Variants in TMEM232 observed in about 807,000 individuals in gnomAD.
TMEM232 encodes the protein transmembrane protein 232.
TMEM232 carries 80 observed loss-of-function variants against 78.8 expected under a neutral mutation model. The observed-to-expected ratio is 1.01, with a 90% confidence interval of 0.85 to 1.22. The LOEUF (loss-of-function observed/expected upper bound fraction) is 1.22. Among genes scored for constraint, TMEM232 ranks in the 50% most tolerant of loss-of-function variants. The pLI, the probability that TMEM232 is intolerant of heterozygous loss-of-function variation, is 0.00. For missense variants in TMEM232, 881 were observed against 742.2 expected, an observed-to-expected ratio of 1.19 and a Z score of -2.17; for synonymous variants, 297 against 254.3, an observed-to-expected ratio of 1.17 and a Z score of -1.60.
chr5:110,592,743 T>C (rs773583755), intron 10 of TMEM232, among the ~76,000 whole-genome samples: 24 of 152,172 alleles, frequency 1.6e-4, no homozygotes, highest in Non-Finnish European at 3.2e-4. Flanking sequence ...GGGCAATTTC[T>C]TCAATAATCT....
At chr5:110,694,725 TA>T (rs1211583924) in intron 1 of TMEM232, among the ~76,000 whole-genome samples, 3 of 151,646 alleles carry the variant, frequency 2.0e-5, no homozygotes, top group Non-Finnish European at 4.4e-5. Context: ...TACATAATGG[TA>T]AAGGGGTCAA....
At chr5:110,415,898 C>T (rs182249726), downstream of TMEM232, among the ~76,000 whole-genome samples, 261 of 152,106 alleles carry the variant, frequency 1.7e-3, no homozygotes, top group Middle Eastern at 0.017. Flanking sequence ...GAGTCAGCTT[C>T]GGAAATGTTA....
intron 11 of TMEM232, among the ~76,000 whole-genome samples, chr5:110,533,887 G>C (rs541568005): frequency 3.3e-5 from 5 of 152,208 alleles, no homozygotes; most frequent in Admixed American, 3.3e-4. Flanking sequence ...CAAGCCACTA[G>C]CCCGCCTCTT....
At chr5:110,437,458 A>C (rs1359554903) in intron 12 of TMEM232, among the ~76,000 whole-genome samples, 1 of 152,078 alleles carries the variant, frequency 6.6e-6, no homozygotes, top group Non-Finnish European at 1.5e-5. Context: ...ACATTTCAAG[A>C]TAGTTGTTCC....
intron 10 of TMEM232, among the ~76,000 whole-genome samples, chr5:110,578,578 C>T (rs1320434921): frequency 3.3e-5 from 5 of 151,886 alleles, no homozygotes; most frequent in Admixed American, 6.6e-5. Flanking sequence ...TTCTTGAAAT[C>T]GTATTGGTGT....
At chr5:110,589,646 G>T (rs375652596) in intron 10 of TMEM232, among the ~76,000 whole-genome samples, 3 of 151,882 alleles carry the variant, frequency 2.0e-5, no homozygotes, top group African/African-American at 4.8e-5. Flanking sequence ...CAGTTTTCTC[G>T]CTCGAAAATG....
At chr5:110,730,681 G>A (rs529539130), upstream of TMEM232, among the ~76,000 whole-genome samples, 2 of 152,238 alleles carry the variant, frequency 1.3e-5, no homozygotes, top group African/African-American at 4.8e-5. Context: ...TAGATCTTGT[G>A]AGACTTATTC....
chr5:110,567,934 T>G (rs1268274830), intron 11 of TMEM232, among the ~76,000 whole-genome samples: 1 of 151,988 alleles, frequency 6.6e-6, no homozygotes, highest in Non-Finnish European at 1.5e-5. Context: ...ACAGCCTGCC[T>G]CTTTTGGCAG....
At position 110,699,544 on chromosome 5, in the gene TMEM232, G is replaced by A. The variant is rs530841186; in HGVS notation, c.-13+27083C>T. ...TGCAAAGAGCTGGCTCAAGAATTAAGCAGAAAGAATGGGATAGAATTTCAA... is the reference window on the plus strand; with the variant it reads ...TGCAAAGAGCTGGCTCAAGAATTAAACAGAAAGAATGGGATAGAATTTCAA... On this transcript the variant is annotated intron_variant, in intron 1 of 13. Coordinates refer to ENST00000455884, the MANE Select transcript of TMEM232 (RefSeq NM_001039763.4). Among the ~76,000 whole-genome samples, 37 of 152,122 alleles carry A rather than the reference G, an allele frequency of 2.4e-4. No individual in the cohort carries two copies. The South Asian group carries it at 7.5e-3, about 31-fold the overall frequency.
chr5:110,682,823 C>T (rs1163114543), intron 1 of TMEM232, among the ~76,000 whole-genome samples: 2 of 152,020 alleles, frequency 1.3e-5, no homozygotes, highest in African/African-American at 2.4e-5. Context: ...GGTATCTGAC[C>T]CTGCCAACCA....
At chr5:110,638,989 C>T (rs1254889589) in intron 4 of TMEM232, among the ~76,000 whole-genome samples, 3 of 152,168 alleles carry the variant, frequency 2.0e-5, no homozygotes, top group Non-Finnish European at 4.4e-5. Context: ...CTAGAGAAAA[C>T]AGCTTCTCAA....
At chr5:110,667,711 G>T (rs1484411249) in intron 1 of TMEM232, 2 of 157,996 alleles carry the variant, frequency 1.3e-5, no homozygotes, top group Non-Finnish European at 2.8e-5. Flanking sequence ...AATGAGAATG[G>T]TATTTCCTCA....
intron 10 of TMEM232, among the ~76,000 whole-genome samples, chr5:110,576,657 A>C (rs1777605640): frequency 6.6e-6 from 1 of 152,158 alleles, no homozygotes; most frequent in Non-Finnish European, 1.5e-5. Context: ...ACATTAGCCA[A>C]AACAGCATGA....
chr5:110,422,685 AAGAC>A, intron 13 of TMEM232, among the ~76,000 whole-genome samples: 1 of 152,142 alleles, frequency 6.6e-6, no homozygotes, highest in South Asian at 2.1e-4. Flanking sequence ...CACTGTCCAG[AAGAC>A]AGCTCTTCCC....
intron 11 of TMEM232, among the ~76,000 whole-genome samples, chr5:110,531,474 G>A (rs190618493): frequency 6.6e-6 from 1 of 152,106 alleles, no homozygotes; most frequent in African/African-American, 2.4e-5. Flanking sequence ...TTTCAAATCC[G>A]GTAAGTGGCC....
In TMEM232 at chr5:110,638,837, C is replaced by T. The variant is rs562559376; in HGVS notation, c.344-482G>A. Among the ~76,000 whole-genome samples the T allele has an allele frequency of 4.7e-4, 71 of 152,152 alleles. 1 individual carries two copies. Among genetic ancestry groups the T allele is most frequent in the African/African-American group, 1.7e-3 (69 of 41,508 alleles). On this transcript the variant is annotated intron_variant, in intron 4 of 13. Coordinates refer to ENST00000455884, the MANE Select transcript of TMEM232 (RefSeq NM_001039763.4). ...AAATAAATCACCAGGCCACACACATCGTGGTGGAGAAATAGGACAGAACCA... is the reference window on the plus strand; with the variant it reads ...AAATAAATCACCAGGCCACACACATTGTGGTGGAGAAATAGGACAGAACCA...
At chr5:110,641,996 A>G (rs1786800366) in intron 3 of TMEM232, among the ~76,000 whole-genome samples, 1 of 152,056 alleles carries the variant, frequency 6.6e-6, no homozygotes, top group South Asian at 2.1e-4. Flanking sequence ...AAAAAATATA[A>G]TTTTCATAAT....
At chr5:110,636,746 T>C (rs1439147265) in intron 5 of TMEM232, among the ~76,000 whole-genome samples, 7 of 152,004 alleles carry the variant, frequency 4.6e-5, no homozygotes, top group Admixed American at 4.6e-4. Context: ...AATAATCCTC[T>C]TAGGATAGTT....
chr5:110,678,745 T>C (rs907995048), intron 1 of TMEM232, among the ~76,000 whole-genome samples: 5 of 152,132 alleles, frequency 3.3e-5, no homozygotes, highest in African/African-American at 4.8e-5. Context: ...AGTTTTGCCT[T>C]TTCCAGAATG....
Sources: gnomAD v4.1 joint callset for allele counts (sites outside exome capture counted in the v4.1 genomes callset) on GRCh38, gnomAD v4.1.1 for gene constraint, MANE v1.5 for transcripts, NCBI Gene and HGNC (gene_info 2026-07-23, HGNC 2026-07-21) for gene names.